The following TTC7A variants were observed in gnomAD, a reference collection of about 807,000 sequenced individuals.
TTC7A encodes the protein tetratricopeptide repeat protein 7A.
Under a neutral mutation model 103.7 loss-of-function variants are expected in TTC7A, and 110 were observed. That is an observed-to-expected ratio of 1.06 (90% CI 0.91 to 1.24). The LOEUF (loss-of-function observed/expected upper bound fraction) is 1.24, where lower values mean the gene tolerates loss of function less well. Ranked by LOEUF, TTC7A falls within the 50% of genes most tolerant of loss-of-function variation. TTC7A has a pLI of 0.00. For synonymous variants in TTC7A, 521 were observed against 467.9 expected, an observed-to-expected ratio of 1.11 and a Z score of -1.47; for missense variants, 1,340 against 1,116.3, an observed-to-expected ratio of 1.20 and a Z score of -2.86.
chr2:47,039,895 T>A (rs1192540488), intron 15 of TTC7A, among the ~76,000 whole-genome samples: 1 of 152,236 alleles, frequency 6.6e-6, no homozygotes, highest in African/African-American at 2.4e-5. Flanking sequence ...CTCACTGGTC[T>A]CTAACTTCCT....
rs1280687377 is a variant in TTC7A, at chr2:46,994,376, CG to C, written c.868del (p.Val290SerfsTer6). The C allele has an allele frequency of 6.2e-7, 1 of 1,612,822 alleles. No individual in the cohort carries two copies. Among genetic ancestry groups the C allele is most frequent in the Non-Finnish European group, 8.5e-7 (1 of 1,179,398 alleles). Reference sequence around the variant, plus strand: ...TGCCAGATGGCGGCCAAGCACCTGGCGGGGGTCCTGCTGCACTCCCTGAGTG... The same window carrying C: ...TGCCAGATGGCGGCCAAGCACCTGGCGGGGTCCTGCTGCACTCCCTGAGTG... ...NFKVMAAKHL[A>X]GVLLHSLSEE... On this transcript the variant is annotated frameshift_variant, in exon 7 of 20. Coordinates refer to ENST00000319190, the MANE Select transcript of TTC7A (RefSeq NM_020458.4). LOFTEE classifies it high-confidence loss of function.
intron 2 of TTC7A, among the ~76,000 whole-genome samples, chr2:46,955,410 T>G (rs182745109): frequency 6.6e-6 from 1 of 151,966 alleles, no homozygotes; most frequent in Non-Finnish European, 1.5e-5. Context: ...GAGAGTTAAT[T>G]AATAGAGAGA....
At chr2:46,963,457 GCTGT>G (rs1672563623) in intron 3 of TTC7A, among the ~76,000 whole-genome samples, 2 of 152,220 alleles carry the variant, frequency 1.3e-5, no homozygotes, top group Non-Finnish European at 1.5e-5. Flanking sequence ...TAGTGCTGCT[GCTGT>G]CTATCTGGAA....
At position 47,005,929 on chromosome 2, in the gene TTC7A, G is replaced by T. The variant is rs752771480; in HGVS notation, c.1073G>T (p.Arg358Leu). 2.5e-6 allele frequency: 4 copies of T among 1,614,110 alleles called. No individual in the cohort carries two copies. In the South Asian group the frequency reaches 3.3e-5, roughly 13 times the overall value. The change falls in exon 9 of 20, where the codon CGA becomes CTA. Residue 358 changes from arginine to leucine, a missense_variant. Physicochemically the swap from Arg to Leu is moderately radical, Grantham distance 102. Transcript: ENST00000319190. ...LLLISESMAT[R>L]DVVLSRVPEQ... is the part of the protein sequence containing the mutation. Reference sequence around the variant, plus strand: ...ACAATGTCCCACCCACAGGCAACTCGAGATGTGGTGCTGAGCCGGGTGCCG... The same window carrying T: ...ACAATGTCCCACCCACAGGCAACTCTAGATGTGGTGCTGAGCCGGGTGCCG...
chr2:46,951,391 A>C (rs1235484599), intron 2 of TTC7A, among the ~76,000 whole-genome samples: 1 of 152,066 alleles, frequency 6.6e-6, no homozygotes, highest in Non-Finnish European at 1.5e-5. Flanking sequence ...TGTGCATCCA[A>C]GTTTGAGGCT....
In TTC7A at chr2:47,043,748, C is replaced by G. The variant is rs76929251; in HGVS notation, c.1803-2567C>G. Among the ~76,000 whole-genome samples the G allele has an allele frequency of 5.5e-3, 836 of 152,212 alleles. 7 individuals carry two copies. The highest frequency in any genetic ancestry group is 0.019 in the African/African-American group (793 of 41,524). On this transcript the variant is annotated intron_variant, in intron 15 of 19. Transcript: ENST00000319190. ...GACTGGTGGAGCACTTGCCCCAGCC[C>G]AGAAAGGATGTGGTCGGGTTGAGAA...
intron 3 of TTC7A, among the ~76,000 whole-genome samples, chr2:46,973,019 C>G (rs1673508266): frequency 6.6e-6 from 1 of 152,172 alleles, no homozygotes; most frequent in South Asian, 2.1e-4. Context: ...GGTATTGGGT[C>G]CAGATAGTAT....
In TTC7A at chr2:46,994,076, A is replaced by C. The variant is rs13411760; in HGVS notation, c.844-281A>C. ...ATACTCAGAGTGGGGCTGGGCTCCA[A>C]GGGGTCAGGAGAGGGAGGAAATGCT... is the stretch of plus-strand genomic sequence containing the variant. On this transcript the variant is annotated intron_variant, in intron 6 of 19. Coordinates refer to ENST00000319190, the MANE Select transcript of TTC7A (RefSeq NM_020458.4). Among the ~76,000 whole-genome samples the C allele has an allele frequency of 0.12, 18,071 of 152,060 alleles. 1,597 individuals are homozygous for C. The highest frequency in any genetic ancestry group is 0.25 in the African/African-American group (10,318 of 41,442).
rs1682345255 is a variant in TTC7A at position 47,046,580 on chromosome 2, C to T, written c.1919+149C>T. On this transcript the variant is annotated intron_variant, in intron 16 of 19. Transcript: ENST00000319190. Reference sequence around the variant, plus strand: ...GAACTTCCTGCCCACAGAGCTTTCACATCCATAGTCCAGTTTGAACCTCCT... The same window carrying T: ...GAACTTCCTGCCCACAGAGCTTTCATATCCATAGTCCAGTTTGAACCTCCT... The T allele has an allele frequency of 4.6e-6, 3 of 652,456 alleles. No homozygotes were observed. The East Asian group carries it at 8.0e-5, about 17-fold the overall frequency. 40.4% of individuals were successfully genotyped at this position (652,456 alleles called of 1,614,324 possible). A position where few individuals can be genotyped will look rare whatever the true frequency, so the allele number is the denominator to read the frequency against.
At chr2:46,918,049 T>C (rs1228367697) in intron 2 of TTC7A, among the ~76,000 whole-genome samples, 3 of 152,200 alleles carry the variant, frequency 2.0e-5, no homozygotes, top group Admixed American at 1.3e-4. Context: ...CCAAAATATG[T>C]CTCTCTGACA....
chr2:46,949,455 A>C (rs1671218255), intron 1 of TTC7A, among the ~76,000 whole-genome samples: 1 of 151,192 alleles, frequency 6.6e-6, no homozygotes, highest in South Asian at 2.1e-4. Flanking sequence ...CTGGTCTCAA[A>C]CTCCTGACCT....
intron 18 of TTC7A, chr2:47,054,115 G>A (rs1459017096): frequency 1.4e-5 from 14 of 985,316 alleles, no homozygotes; most frequent in African/African-American, 1.7e-5. Flanking sequence ...AGAGAACTCC[G>A]AGAACAGCAT....
chr2:46,922,979 A>G (rs970373235), intron 2 of TTC7A, among the ~76,000 whole-genome samples: 1 of 152,128 alleles, frequency 6.6e-6, no homozygotes, highest in African/African-American at 2.4e-5. Flanking sequence ...TCTTTATTAC[A>G]GTTTATTACA....
intron 15 of TTC7A, among the ~76,000 whole-genome samples, chr2:47,032,456 C>G (rs6708748): frequency 0.033 from 4,995 of 152,206 alleles, 266 homozygotes; most frequent in African/African-American, 0.11. Flanking sequence ...ATGCAGACAT[C>G]GCAGAGCGAC....
Position 46,951,380 on chromosome 2 carries a change from A to G in TTC7A, c.348+854A>G, listed in dbSNP as rs180740207. Among the ~76,000 whole-genome samples, 20 of 152,164 alleles carry G rather than the reference A, an allele frequency of 1.3e-4. No homozygotes were observed. In the East Asian group the frequency reaches 3.7e-3, roughly 28 times the overall value. On this transcript the variant is annotated intron_variant, in intron 2 of 19. Transcript: ENST00000319190. ...TAACAAGCTCTCCTGGGTGATTCAT[A>G]TGTGCATCCAAGTTTGAGGCTGTGG...
chr2:46,934,787 CTTTTTTTTTT>C (rs1161003607), intron 2 of TTC7A, among the ~76,000 whole-genome samples: 22 of 66,914 alleles, frequency 3.3e-4, no homozygotes, highest in African/African-American at 9.7e-4. Context: ...GACTACTGCT[CTTTTTTTTTT>C]TTTTTTTTTT....
At chr2:46,916,323 C>G (rs554171448) in exon 1 of TTC7A, 2 of 310,490 alleles carry the variant, frequency 6.4e-6, no homozygotes, top group Non-Finnish European at 9.4e-6. Context: ...TCTGCCAGCT[C>G]CACTGCACAA....
At chr2:47,022,782 A>C (rs1377236906) in intron 12 of TTC7A, among the ~76,000 whole-genome samples, 2 of 152,198 alleles carry the variant, frequency 1.3e-5, no homozygotes, top group Non-Finnish European at 2.9e-5. Flanking sequence ...GTCAAAGTCT[A>C]CTTTGAGCAA....
chr2:47,001,225 AG>A (rs1676769610), intron 8 of TTC7A, among the ~76,000 whole-genome samples: 1 of 152,108 alleles, frequency 6.6e-6, no homozygotes, highest in African/African-American at 2.4e-5. Flanking sequence ...GTTAGAGAGG[AG>A]AAACAGGGCT....
Sources: gnomAD v4.1 joint callset for allele counts (sites outside exome capture counted in the v4.1 genomes callset) on GRCh38, gnomAD v4.1.1 for gene constraint, MANE v1.5 for transcripts, NCBI Gene and HGNC (gene_info 2026-07-23, HGNC 2026-07-21) for gene names.